Variants in STMN2 observed in about 807,000 individuals in gnomAD.
The protein encoded by STMN2 is stathmin-2.
A neutral mutation model predicts 24.1 loss-of-function variants in STMN2; 2 were observed. The observed-to-expected ratio is 0.08, with a 90% CI of 0.03 to 0.26. STMN2 has a LOEUF of 0.26. Ranked by LOEUF, STMN2 falls within the 10% of genes least tolerant of loss-of-function variation. The probability of loss-of-function intolerance (pLI) is 1.00; values close to 1 mark genes in which losing one functional copy is unlikely to be tolerated. For missense variants in STMN2, 114 were observed against 213.6 expected (o/e 0.53, Z 2.91); for synonymous variants, 83 against 77.5 (o/e 1.07, Z -0.37).
intron 1 of STMN2, chr8:79,620,857 C>G (rs1453956058): frequency 4.2e-6 from 2 of 475,452 alleles, no homozygotes; most frequent in Admixed American, 1.3e-4. Context: ...GGTTCTCACT[C>G]TATTAGGTCT....
intron 1 of STMN2, among the ~76,000 whole-genome samples, chr8:79,617,388 T>A (rs997961700): frequency 1.3e-5 from 2 of 152,174 alleles, no homozygotes; most frequent in African/African-American, 4.8e-5. Context: ...TTAAAAAATA[T>A]AACATTTCCC....
At position 79,611,132 on chromosome 8, in the gene STMN2, T is replaced by C. The variant is rs1327707032; in HGVS notation, c.-64T>C. 3 of 1,611,442 alleles carry C rather than the reference T, an allele frequency of 1.9e-6. No homozygotes were observed. The highest frequency in any genetic ancestry group is 1.7e-6 in the Non-Finnish European group (2 of 1,178,422). On this transcript the variant is annotated 5_prime_UTR_variant, in exon 1 of 5. Coordinates refer to ENST00000220876, the MANE Select transcript of STMN2 (RefSeq NM_007029.4). The stretch of plus-strand genomic sequence containing the variant: ...TGCCTTATTCAGTCTTCTCTCTCGC[T>C]CTCTCCGCTGCTGTAGCCGGACCCT...
chr8:79,626,355 T>C (rs2130320031), intron 1 of STMN2, among the ~76,000 whole-genome samples: 1 of 152,332 alleles, frequency 6.6e-6, no homozygotes, highest in African/African-American at 2.4e-5. Context: ...AGTTTGCCTT[T>C]TGAAGGATAG....
chr8:79,613,454 C>T, intron 1 of STMN2: 2 of 985,480 alleles, frequency 2.0e-6, no homozygotes, highest in Non-Finnish European at 2.4e-6. Flanking sequence ...TGAGCTACCC[C>T]CGCTTTCCAC....
At chr8:79,654,027 T>C (rs1227878916) in intron 3 of STMN2, among the ~76,000 whole-genome samples, 3 of 152,156 alleles carry the variant, frequency 2.0e-5, no homozygotes, top group Non-Finnish European at 4.4e-5. Context: ...CTACCTGCAT[T>C]TGAGTCACTA....
intron 2 of STMN2, among the ~76,000 whole-genome samples, chr8:79,639,916 C>G (rs904502993): frequency 6.6e-6 from 1 of 152,288 alleles, no homozygotes; most frequent in East Asian, 1.9e-4. Context: ...AATAAGTCTT[C>G]TGCGGCCGGG....
intron 3 of STMN2, among the ~76,000 whole-genome samples, chr8:79,647,200 A>T (rs118137843): frequency 0.012 from 1,874 of 152,294 alleles, 17 homozygotes; most frequent in Non-Finnish European, 0.02. Flanking sequence ...CTATTAATAA[A>T]TTATCTTACC....
At chr8:79,633,776 C>T (rs1020065869) in intron 1 of STMN2, among the ~76,000 whole-genome samples, 2 of 152,130 alleles carry the variant, frequency 1.3e-5, no homozygotes, top group South Asian at 2.1e-4. Flanking sequence ...ACAAATTTTG[C>T]GGGGACACAA....
chr8:79,654,722 A>C (rs1810410717), intron 3 of STMN2, 149 bp from the exon 4 acceptor site: 1 of 834,256 alleles, frequency 1.2e-6, no homozygotes, highest in Non-Finnish European at 1.8e-6. Flanking sequence ...GAAAACTCTA[A>C]GCCATGCAGA....
intron 4 of STMN2, among the ~76,000 whole-genome samples, chr8:79,659,917 G>C (rs2130395587): frequency 1.3e-5 from 2 of 152,138 alleles, no homozygotes; most frequent in South Asian, 4.2e-4. Context: ...TTTTATAGTT[G>C]ACTCACCCAG....
At chr8:79,657,139 G>A (rs992527935) in intron 4 of STMN2, among the ~76,000 whole-genome samples, 14 of 152,220 alleles carry the variant, frequency 9.2e-5, no homozygotes, top group African/African-American at 3.4e-4. Flanking sequence ...CTCCCGAAGT[G>A]CTGGGATTAC....
chr8:79,664,847 GGAACTCCAGGTT>G lies in STMN2; in HGVS notation c.519_530del (p.Gln174_Leu177del). 6.2e-7 allele frequency: 1 copy of G among 1,613,312 alleles called. No individual in the cohort carries two copies. The highest frequency in any genetic ancestry group is 8.5e-7 in the Non-Finnish European group (1 of 1,179,596). ...ATGCTGCGGAGGTGCGCAGGAACAA[GGAACTCCAGGTT>G]GAACTGTCTGGCTGAAGCAAGGGAG... On this transcript the variant is annotated inframe_deletion, in exon 5 of 5. Transcript: ENST00000220876.
intron 1 of STMN2, among the ~76,000 whole-genome samples, chr8:79,633,829 G>T (rs964710857): frequency 5.3e-5 from 8 of 152,110 alleles, no homozygotes; most frequent in African/African-American, 1.9e-4. Flanking sequence ...TATACATAGG[G>T]CTCTAAATGT....
intron 3 of STMN2, 144 bp from the exon 4 acceptor site, chr8:79,654,727 T>C (rs1318376893): frequency 2.3e-6 from 2 of 884,862 alleles, no homozygotes; most frequent in Admixed American, 5.9e-5. Flanking sequence ...CTCTAAGCCA[T>C]GCAGATGAGT....
intron 3 of STMN2, among the ~76,000 whole-genome samples, chr8:79,652,835 A>G (rs192262585): frequency 6.6e-6 from 1 of 152,128 alleles, no homozygotes; most frequent in Non-Finnish European, 1.5e-5. Context: ...ATTTACACAC[A>G]CACCTCTCTC....
At chr8:79,639,029 T>G (rs530619946) in intron 2 of STMN2, among the ~76,000 whole-genome samples, 1 of 152,190 alleles carries the variant, frequency 6.6e-6, no homozygotes, top group Non-Finnish European at 1.5e-5. Context: ...ATTTCCAATA[T>G]AGTTATTGAG....
At chr8:79,657,858 G>A (rs1254691438) in intron 4 of STMN2, among the ~76,000 whole-genome samples, 3 of 152,170 alleles carry the variant, frequency 2.0e-5, no homozygotes, top group African/African-American at 4.8e-5. Flanking sequence ...TTTTATATTG[G>A]AAGTAATATT....
At chr8:79,632,015 C>A (rs1324897698) in intron 1 of STMN2, among the ~76,000 whole-genome samples, 1 of 152,052 alleles carries the variant, frequency 6.6e-6, no homozygotes, top group Non-Finnish European at 1.5e-5. Flanking sequence ...TTAACAATTG[C>A]GGGTGCAAGA....
intron 1 of STMN2, among the ~76,000 whole-genome samples, chr8:79,627,910 T>A (rs1809697497): frequency 6.6e-6 from 1 of 152,232 alleles, no homozygotes; most frequent in African/African-American, 2.4e-5. Flanking sequence ...TTCAGGCTTA[T>A]CCATGTTGTC....
Sources: allele counts gnomAD v4.1 joint callset (sites outside exome capture counted in the v4.1 genomes callset), GRCh38; gene constraint gnomAD v4.1.1; transcripts MANE v1.5; gene names NCBI Gene and HGNC (gene_info 2026-07-23, HGNC 2026-07-21).